Variants in NSRP1 observed in about 807,000 individuals in gnomAD.
NSRP1 encodes the protein coiled-coil domain containing 55.
NSRP1 carries 24 observed loss-of-function variants against 54.7 expected under a neutral mutation model. The ratio of observed to expected loss-of-function variants is 0.44; its 90% CI spans 0.32 to 0.62. The LOEUF (loss-of-function observed/expected upper bound fraction) is 0.62, where lower values mean the gene tolerates loss of function less well. Among genes scored for constraint, NSRP1 ranks in the 20% least tolerant of loss-of-function variants. The pLI is 0.06. For missense variants in NSRP1, 596 were observed against 651.2 expected, an observed-to-expected ratio of 0.92 and a Z score of 0.92; for synonymous variants, 210 against 213.8, an observed-to-expected ratio of 0.98 and a Z score of 0.15.
intron 3 of NSRP1, 59 bp from the exon 4 acceptor site, chr17:30,178,012 A>G (rs182483384): frequency 1.0e-5 from 16 of 1,538,974 alleles, no homozygotes; most frequent in Non-Finnish European, 1.3e-5. Context: ...AAAAGCATAG[A>G]CTTTGTTGTA....
intron 2 of NSRP1, among the ~76,000 whole-genome samples, chr17:30,164,009 T>C (rs1012219687): frequency 6.6e-6 from 1 of 151,668 alleles, no homozygotes; most frequent in Non-Finnish European, 1.5e-5. Context: ...TTACCCCTTA[T>C]AATGTGTATG....
intron 5 of NSRP1, 58 bp from the exon 6 acceptor site, chr17:30,180,850 A>G (rs1905269258): frequency 9.1e-7 from 1 of 1,099,332 alleles, no homozygotes; most frequent in African/African-American, 1.7e-5. Context: ...ATGTCTGTAA[A>G]ATGAAACTGC....
chr17:30,132,234 C>T (rs1194247953), intron 2 of NSRP1, among the ~76,000 whole-genome samples: 2 of 145,062 alleles, frequency 1.4e-5, no homozygotes, highest in African/African-American at 2.6e-5. Flanking sequence ...GGCGACAGAG[C>T]GAGACTGTCT....
chr17:30,143,040 A>G (rs538675487), intron 2 of NSRP1, among the ~76,000 whole-genome samples: 2 of 152,362 alleles, frequency 1.3e-5, no homozygotes, highest in African/African-American at 4.8e-5. Context: ...TTATGAAGTT[A>G]AATAACAAAA....
chr17:30,155,894 C>T (rs1472753766), intron 2 of NSRP1, among the ~76,000 whole-genome samples: 1 of 151,900 alleles, frequency 6.6e-6, no homozygotes, highest in Non-Finnish European at 1.5e-5. Flanking sequence ...GGCTGGAGTG[C>T]AGTGGCACGA....
chr17:30,133,029 G>A (rs564086058), intron 2 of NSRP1, among the ~76,000 whole-genome samples: 7 of 151,986 alleles, frequency 4.6e-5, no homozygotes, highest in Admixed American at 2.6e-4. Context: ...AACCTCTGTC[G>A]CCTGGGCTCA....
At chr17:30,152,747 T>C (rs2071924002) in intron 2 of NSRP1, among the ~76,000 whole-genome samples, 1 of 152,074 alleles carries the variant, frequency 6.6e-6, no homozygotes, top group South Asian at 2.1e-4. Context: ...ATGTTTATGA[T>C]TGCTATTTCT....
chr17:30,164,759 C>G (rs184239959), intron 2 of NSRP1, among the ~76,000 whole-genome samples: 35 of 152,208 alleles, frequency 2.3e-4, no homozygotes, highest in Non-Finnish European at 4.4e-4. Context: ...CTTCATGTCA[C>G]TGCGCTCCAG....
intron 2 of NSRP1, among the ~76,000 whole-genome samples, chr17:30,161,313 G>A (rs1904507684): frequency 6.6e-6 from 1 of 152,064 alleles, no homozygotes; most frequent in Admixed American, 6.6e-5. Flanking sequence ...TATTGTAAAT[G>A]TCACTTCTTT....
In NSRP1 at chr17:30,176,612, C is replaced by G. The variant is rs549974716; in HGVS notation, c.172-1459C>G. ...ACAACAGTGCAAGACTTCGTCCCCC[C>G]CCCCCCAAAAAAAAAACAGCCCTCA... On this transcript the variant is annotated intron_variant, in intron 3 of 6. Coordinates refer to ENST00000247026, the MANE Select transcript of NSRP1 (RefSeq NM_032141.4). 4.0e-3 allele frequency among the ~76,000 whole-genome samples: 485 copies of G among 121,166 alleles called. 19 individuals are homozygous for G. The South Asian group carries it at 0.073, about 18-fold the overall frequency. The allele number at this position is 121,166 out of a possible 152,430, so 79.5% of individuals were successfully genotyped here.
At chr17:30,142,597 G>C (rs1328009912) in intron 2 of NSRP1, among the ~76,000 whole-genome samples, 1 of 152,162 alleles carries the variant, frequency 6.6e-6, no homozygotes, top group Non-Finnish European at 1.5e-5. Context: ...CTCCCAAAGT[G>C]CTGGGACCTC....
At chr17:30,121,098 G>A (rs2071592346) in intron 2 of NSRP1, among the ~76,000 whole-genome samples, 1 of 152,096 alleles carries the variant, frequency 6.6e-6, no homozygotes, top group East Asian at 1.9e-4. Context: ...AGGGTATATA[G>A]GAAAAAATGT....
intron 2 of NSRP1, among the ~76,000 whole-genome samples, chr17:30,147,918 T>C (rs547903007): frequency 6.6e-6 from 1 of 152,074 alleles, no homozygotes; most frequent in Non-Finnish European, 1.5e-5. Flanking sequence ...TTCAAGCAAT[T>C]CTCCTGTCCC....
intron 2 of NSRP1, among the ~76,000 whole-genome samples, chr17:30,157,187 A>G (rs996597764): frequency 6.6e-6 from 1 of 152,134 alleles, no homozygotes; most frequent in African/African-American, 2.4e-5. Flanking sequence ...TAGCTATTCT[A>G]ACTGGGTAAG....
At chr17:30,119,410 A>G (rs1009233817) in intron 2 of NSRP1, among the ~76,000 whole-genome samples, 2 of 151,958 alleles carry the variant, frequency 1.3e-5, no homozygotes, top group Admixed American at 1.3e-4. Flanking sequence ...ACGGGGTTTC[A>G]CCATGTTGGC....
intron 2 of NSRP1, among the ~76,000 whole-genome samples, chr17:30,119,095 C>A (rs906240445): frequency 7.0e-6 from 1 of 142,630 alleles, no homozygotes; most frequent in African/African-American, 2.6e-5. Flanking sequence ...ATTTTTTTTT[C>A]TTTTTTTTTT....
chr17:30,167,091 G>A (rs757229276), intron 2 of NSRP1, among the ~76,000 whole-genome samples: 1 of 151,984 alleles, frequency 6.6e-6, no homozygotes, highest in Non-Finnish European at 1.5e-5. Context: ...ACCTCCATGT[G>A]ATCAAAGTTT....
At chr17:30,150,982 T>C (rs924395229) in intron 2 of NSRP1, among the ~76,000 whole-genome samples, 37 of 152,044 alleles carry the variant, frequency 2.4e-4, no homozygotes, top group African/African-American at 8.9e-4. Context: ...GCCACCACAC[T>C]TGGCTGTTTC....
chr17:30,167,507 G>A (rs1437697946), intron 2 of NSRP1, among the ~76,000 whole-genome samples: 1 of 151,970 alleles, frequency 6.6e-6, no homozygotes, highest in East Asian at 1.9e-4. Flanking sequence ...TACTCAGGAG[G>A]CTGAGGCAGG....
Sources: gnomAD v4.1 joint callset for allele counts (sites outside exome capture counted in the v4.1 genomes callset) on GRCh38, gnomAD v4.1.1 for gene constraint, MANE v1.5 for transcripts, NCBI Gene and HGNC (gene_info 2026-07-23, HGNC 2026-07-21) for gene names.